Variants in DCAKD observed in about 807,000 individuals in gnomAD.
DCAKD encodes the protein dephospho-CoA kinase domain containing, also known as dephospho-CoA kinase domain-containing protein.
In DCAKD, 15 loss-of-function variants were observed where a neutral mutation model predicts 18.7. The observed-to-expected ratio is 0.80, with a 90% CI of 0.54 to 1.24. The LOEUF (loss-of-function observed/expected upper bound fraction) is 1.24. Among genes scored for constraint, DCAKD ranks in the 50% most tolerant of loss-of-function variants. The pLI is 0.00. For synonymous variants in DCAKD, 130 were observed against 133.0 expected, an observed-to-expected ratio of 0.98 and a Z score of 0.16; for missense variants, 301 against 322.0, an observed-to-expected ratio of 0.93 and a Z score of 0.50.
intron 1 of DCAKD, among the ~76,000 whole-genome samples, chr17:45,039,942 A>C (rs2053390408): frequency 6.6e-6 from 1 of 152,012 alleles, no homozygotes; most frequent in Admixed American, 6.6e-5. Context: ...AAAATACAAA[A>C]ATTAGCTGGG....
chr17:45,056,619 C>T (rs1346808857), upstream of DCAKD, among the ~76,000 whole-genome samples: 5 of 152,134 alleles, frequency 3.3e-5, no homozygotes, highest in East Asian at 1.9e-4. Flanking sequence ...GGATTACAGG[C>T]GTCCACCACT....
At chr17:45,028,403 C>A (rs1158891810) in intron 4 of DCAKD, among the ~76,000 whole-genome samples, 2 of 150,854 alleles carry the variant, frequency 1.3e-5, no homozygotes, top group Non-Finnish European at 3.0e-5. Flanking sequence ...AGCCACCACA[C>A]CCGGCCTTTT....
At chr17:45,027,943 G>A (rs1039011281) in intron 4 of DCAKD, among the ~76,000 whole-genome samples, 3 of 147,956 alleles carry the variant, frequency 2.0e-5, no homozygotes, top group East Asian at 2.0e-4. Context: ...CTGAGATCGC[G>A]CCACTGTACT....
intron 1 of DCAKD, among the ~76,000 whole-genome samples, chr17:45,039,206 A>G (rs1179996418): frequency 6.6e-6 from 1 of 152,186 alleles, no homozygotes; most frequent in Non-Finnish European, 1.5e-5. Flanking sequence ...TTAGGTACCC[A>G]GCGGCCTCCA....
intron 1 of DCAKD, among the ~76,000 whole-genome samples, chr17:45,049,814 AG>A (rs2053652645): frequency 1.5e-5 from 2 of 129,238 alleles, no homozygotes; most frequent in African/African-American, 5.9e-5. Context: ...CTGCTTCCTG[AG>A]TTCAAGTGAT....
chr17:45,026,845 T>C, intron 4 of DCAKD: 1 of 984,940 alleles, frequency 1.0e-6, no homozygotes, highest in Non-Finnish European at 1.2e-6. Context: ...TAGTGTGAGA[T>C]TAGAGATGGC....
intron 2 of DCAKD, 45 bp from the exon 3 acceptor site, chr17:45,034,435 G>A (rs374062073): frequency 2.6e-5 from 42 of 1,605,726 alleles, no homozygotes; most frequent in Non-Finnish European, 3.3e-5. Context: ...AAGCCTCAGG[G>A]CCAGTCAGAG....
intron 2 of DCAKD, among the ~76,000 whole-genome samples, 176 bp downstream of exon 2, chr17:45,034,598 T>TA (rs1244991199): frequency 2.0e-5 from 3 of 152,088 alleles, no homozygotes; most frequent in Non-Finnish European, 2.9e-5. Context: ...GGGGGGTTTC[T>TA]AAAAACAGAA....
At chr17:45,049,798 C>A (rs970262118) in intron 1 of DCAKD, among the ~76,000 whole-genome samples, 1 of 142,496 alleles carries the variant, frequency 7.0e-6, no homozygotes, top group Non-Finnish European at 1.5e-5. Context: ...CAGCTCACTG[C>A]AACCTCTGCT....
chr17:45,024,828 G>T (rs2053021408), intron 4 of DCAKD, 104 bp from the exon 5 acceptor site: 8 of 1,372,398 alleles, frequency 5.8e-6, no homozygotes, highest in Non-Finnish European at 7.8e-6. Flanking sequence ...AGAGCATGGG[G>T]ACTGGATCTT....
chr17:45,053,622 C>T (rs1877208888), upstream of DCAKD, among the ~76,000 whole-genome samples: 1 of 152,140 alleles, frequency 6.6e-6, no homozygotes, highest in Admixed American at 6.6e-5. Flanking sequence ...GGTTTCACCA[C>T]GTTGGCCGGG....
intron 1 of DCAKD, among the ~76,000 whole-genome samples, chr17:45,058,108 A>G (rs917094458): frequency 1.4e-5 from 2 of 146,844 alleles, no homozygotes; most frequent in African/African-American, 5.1e-5. Flanking sequence ...TGAGGTCAGG[A>G]GTTTAAGACC....
intron 4 of DCAKD, among the ~76,000 whole-genome samples, chr17:45,024,989 G>T: frequency 6.6e-6 from 1 of 151,402 alleles, no homozygotes; most frequent in African/African-American, 2.4e-5. Flanking sequence ...ACAAACAAGG[G>T]GGGAACTTTG....
intron 1 of DCAKD, among the ~76,000 whole-genome samples, chr17:45,042,783 A>C (rs2053471024): frequency 2.0e-5 from 3 of 152,240 alleles, no homozygotes. Context: ...GGCTAGGCCC[A>C]TTAAGCCGCC....
In DCAKD at chr17:45,024,290, T is replaced by G. The variant is rs148127339; in HGVS notation, c.*143A>C. 1,155 of 399,082 alleles carry G rather than the reference T, an allele frequency of 2.9e-3. 4 individuals carry two copies. The highest frequency in any genetic ancestry group is 4.2e-3 in the Non-Finnish European group (1,021 of 241,274). 24.7% of individuals were successfully genotyped at this position (399,082 alleles called of 1,614,324 possible). ...CCAGCCCTGATTCGGAGAGTCCGTG[T>G]GTGTGTGTGTGTGTGTGTGTGTGTG... On this transcript the variant is annotated 3_prime_UTR_variant, in exon 5 of 5. Transcript: ENST00000651974.
At chr17:45,025,339 G>C (rs1193916202) in intron 4 of DCAKD, among the ~76,000 whole-genome samples, 5 of 152,110 alleles carry the variant, frequency 3.3e-5, no homozygotes, top group Non-Finnish European at 7.4e-5. Context: ...TGATGATGTG[G>C]GACAGACAAG....
In DCAKD at chr17:45,023,592, TA is replaced by T; in HGVS notation, c.*840del. 1 of 117,178 alleles carries T rather than the reference TA, an allele frequency of 8.5e-6. No homozygotes were observed. The highest frequency in any genetic ancestry group is 1.6e-5 in the Non-Finnish European group (1 of 61,074). The allele number at this position is 117,178 out of a possible 1,614,324, so 7.3% of individuals were successfully genotyped here. A position where few individuals can be genotyped will look rare whatever the true frequency, so the allele number is the denominator to read the frequency against. ...TTTAGACAGTGCCTGAACTGAGAGC[TA>T]GTTGTAGGTTAAAAAAAAAAAAAAA... is the stretch of plus-strand genomic sequence containing the variant. On this transcript the variant is annotated 3_prime_UTR_variant, in exon 5 of 5. Transcript: ENST00000651974.
chr17:45,061,079 C>T, exon 1 of DCAKD: 1 of 1,284,956 alleles, frequency 7.8e-7, no homozygotes, highest in South Asian at 1.9e-5. Flanking sequence ...ACCAACCTTG[C>T]GCCCCTTCTT....
chr17:45,059,181 A>G (rs1465579150), intron 1 of DCAKD, among the ~76,000 whole-genome samples: 1 of 152,162 alleles, frequency 6.6e-6, no homozygotes, highest in Non-Finnish European at 1.5e-5. Flanking sequence ...CAGAGCTTGC[A>G]GTGAGCCAAA....
Sources: allele counts gnomAD v4.1 joint callset (sites outside exome capture counted in the v4.1 genomes callset), GRCh38; gene constraint gnomAD v4.1.1; transcripts MANE v1.5; gene names NCBI Gene and HGNC (gene_info 2026-07-23, HGNC 2026-07-21).